COL4A5: variants seen among roughly 807,000 people sequenced by gnomAD.
COL4A5 encodes collagen type IV alpha 5 chain, also known as collagen alpha-5(IV) chain.
COL4A5 carries 26 observed loss-of-function variants against 130.2 expected under a neutral mutation model. That is an observed-to-expected ratio of 0.20 (90% CI 0.15 to 0.28). The LOEUF is 0.28. Among genes scored for constraint, COL4A5 ranks in the 10% least tolerant of loss-of-function variants. The pLI, the probability that COL4A5 is intolerant of heterozygous loss-of-function variation, is 1.00. For synonymous variants in COL4A5, 496 were observed against 439.6 expected (o/e 1.13, Z -1.60); for missense variants, 1,131 against 1,344.3 (o/e 0.84, Z 2.48).
At chrX:108,668,236 C>T (rs1270256687) in intron 40 of COL4A5, 83 bp from the exon 41 acceptor site, 1 of 919,070 alleles carries the variant, frequency 1.1e-6, no homozygotes, top group Non-Finnish European at 1.6e-6. Flanking sequence ...CATTAATTGC[C>T]CTAATGTATG....
intron 2 of COL4A5, among the ~76,000 whole-genome samples, chrX:108,546,897 G>A (rs1333667405): frequency 1.8e-5 from 2 of 111,460 alleles, no homozygotes; most frequent in South Asian, 3.8e-4. Flanking sequence ...CCAGTTGATC[G>A]AATTGGCTAC....
At chrX:108,646,667 C>T (rs1362844801) in intron 36 of COL4A5, among the ~76,000 whole-genome samples, 2 of 111,712 alleles carry the variant, frequency 1.8e-5, no homozygotes, top group African/African-American at 6.5e-5. Flanking sequence ...TGCCTGTGTC[C>T]TGAACAGTAT....
At chrX:108,595,455 GA>G (rs2066497656) in intron 21 of COL4A5, 53 bp from the exon 22 acceptor site, 5 of 1,045,210 alleles carry the variant, frequency 4.8e-6, no homozygotes, top group Non-Finnish European at 6.7e-6. Context: ...CCTATCTATA[GA>G]AGGTATATGT....
chrX:108,656,306 G>A (rs981477176), intron 37 of COL4A5, among the ~76,000 whole-genome samples: 3 of 111,341 alleles, frequency 2.7e-5, no homozygotes, highest in African/African-American at 9.8e-5. Context: ...ATGTGTAAAA[G>A]ATTCATTTAT....
chrX:108,607,016 T>C, intron 29 of COL4A5, 124 bp downstream of exon 29: 2 of 691,260 alleles, frequency 2.9e-6, no homozygotes, highest in East Asian at 3.3e-5. Flanking sequence ...CTGTTACTGC[T>C]ACACATTTTT....
In COL4A5 at chrX:108,665,534, G is replaced by C; in HGVS notation, c.3401G>C (p.Gly1134Ala). 8.3e-7 allele frequency: 1 copy of C among 1,209,175 alleles called. No individual in the cohort carries two copies. Among genetic ancestry groups the C allele is most frequent in the East Asian group, 3.0e-5 (1 of 33,811 alleles). ...PGTPGPPGPKGISGPPGNPGL... is the reference protein window; with the variant it reads ...PGTPGPPGPKAISGPPGNPGL... ...ACCCCAGGCCCTCCTGGACCAAAAG[G>C]TATTAGTGGCCCTCCTGGGAACCCC... The change falls in exon 38 of 53, where the codon GGT becomes GCT. Residue 1134 changes from glycine (G) to alanine (A), a missense_variant. Gly to Ala is a moderately conservative substitution (Grantham distance 60, BLOSUM62 0). Transcript: ENST00000328300.
chrX:108,484,260 C>T (rs2064922774), intron 1 of COL4A5, among the ~76,000 whole-genome samples: 1 of 112,138 alleles, frequency 8.9e-6, no homozygotes, highest in Non-Finnish European at 1.9e-5. Context: ...CTCATCACAT[C>T]TATTTTGAAT....
rs1267395783 is a variant in COL4A5 at position 108,582,871 on chromosome X, C to G, written c.937-13C>G. The G allele has an allele frequency of 1.7e-6, 2 of 1,189,493 alleles. No homozygotes were observed. The highest frequency in any genetic ancestry group is 1.8e-5 in the African/African-American group (1 of 57,096). ...ATTTGTGCTGATGTCACCCTATCCT[C>G]TATGTTTTAAAGGGTTTGCCTGGTG... is the stretch of plus-strand genomic sequence containing the variant. On this transcript the variant is annotated splice_polypyrimidine_tract_variant and intron_variant, in intron 16 of 52. Transcript: ENST00000328300.
intron 1 of COL4A5, among the ~76,000 whole-genome samples, chrX:108,522,607 T>C (rs901202508): frequency 9.3e-6 from 1 of 107,556 alleles, no homozygotes; most frequent in Admixed American, 1.0e-4. Flanking sequence ...AAAATGTCTA[T>C]TCAAATCTTT....
chrX:108,611,335 T>C (rs997273150), intron 29 of COL4A5, among the ~76,000 whole-genome samples: 1 of 111,188 alleles, frequency 9.0e-6, no homozygotes, highest in African/African-American at 3.3e-5. Flanking sequence ...GGGCCTTATC[T>C]AAGGTACCTG....
chrX:108,549,277 C>T (rs1185889000), intron 2 of COL4A5, among the ~76,000 whole-genome samples: 1 of 111,609 alleles, frequency 9.0e-6, no homozygotes, highest in Admixed American at 9.5e-5. Context: ...ATAAAAAGAG[C>T]CCAACATCAA....
chrX:108,527,508 G>A (rs962403949), intron 1 of COL4A5, among the ~76,000 whole-genome samples: 2 of 112,052 alleles, frequency 1.8e-5, no homozygotes, highest in Non-Finnish European at 3.8e-5. Flanking sequence ...CAGTATGAAA[G>A]AGATGCATGT....
At chrX:108,655,598 C>G in intron 37 of COL4A5, 141 bp downstream of exon 37, 1 of 726,576 alleles carries the variant, frequency 1.4e-6, no homozygotes, top group Non-Finnish European at 2.0e-6. Flanking sequence ...CAAACTATCT[C>G]TTTACCTTTT....
At chrX:108,458,456 T>C (rs1256442247) in intron 1 of COL4A5, among the ~76,000 whole-genome samples, 1 of 111,889 alleles carries the variant, frequency 8.9e-6, no homozygotes, top group Admixed American at 9.5e-5. Context: ...AATCAGGTAA[T>C]GTAAGTTCTC....
intron 2 of COL4A5, among the ~76,000 whole-genome samples, chrX:108,554,978 T>C (rs1459369693): frequency 1.8e-5 from 2 of 112,751 alleles, no homozygotes; most frequent in South Asian, 3.6e-4. Context: ...TTAAAACATA[T>C]GTTTTTAACA....
chrX:108,648,866 A>G (rs1003721273), intron 36 of COL4A5, among the ~76,000 whole-genome samples: 4 of 111,494 alleles, frequency 3.6e-5, no homozygotes, highest in South Asian at 3.8e-4. Context: ...CTCCTCTTCA[A>G]CATAGTACTG....
chrX:108,680,588 G>A, intron 44 of COL4A5, 91 bp from the exon 45 acceptor site: 1 of 719,582 alleles, frequency 1.4e-6, no homozygotes, highest in Non-Finnish European at 2.2e-6. Flanking sequence ...TAGAAATAGT[G>A]CTATATGCCA....
At chrX:108,587,841 A>G (rs183251692) in intron 19 of COL4A5, among the ~76,000 whole-genome samples, 9 of 111,141 alleles carry the variant, frequency 8.1e-5, no homozygotes, top group African/African-American at 2.9e-4. Context: ...TTATTAATAA[A>G]TTACACCAAA....
chrX:108,547,160 G>T (rs970157542), intron 2 of COL4A5, among the ~76,000 whole-genome samples: 3 of 112,198 alleles, frequency 2.7e-5, no homozygotes, highest in Non-Finnish European at 5.6e-5. Flanking sequence ...GAGGAGCTGC[G>T]TTCCTTTGGA....
Sources: gnomAD v4.1 joint callset for allele counts (sites outside exome capture counted in the v4.1 genomes callset) on GRCh38, gnomAD v4.1.1 for gene constraint, MANE v1.5 for transcripts, NCBI Gene and HGNC (gene_info 2026-07-23, HGNC 2026-07-21) for gene names.